MCM7: variants seen among roughly 807,000 people sequenced by gnomAD.
MCM7 encodes the protein DNA replication licensing factor MCM7.
MCM7 carries 95 observed loss-of-function variants against 83.5 expected under a neutral mutation model. That is an observed-to-expected ratio of 1.14 (90% CI 0.96 to 1.35). The LOEUF (loss-of-function observed/expected upper bound fraction) is 1.35, where lower values mean the gene tolerates loss of function less well. Among genes scored for constraint, MCM7 ranks in the 40% most tolerant of loss-of-function variants. MCM7 has a pLI of 0.00. For synonymous variants in MCM7, 461 were observed against 352.7 expected (o/e 1.31, Z -3.44); for missense variants, 1,087 against 957.4 (o/e 1.14, Z -1.79).
At position 100,092,978 on chromosome 7, in the gene MCM7, T is replaced by C. The variant is rs764415680; in HGVS notation, c.2114A>G (p.Asn705Ser). ...CCGGGAAGCATTGACCTGCCAGACA[T>C]TGAGCTCCTCATATTCATCCAGAGC... ...QAALDEYEEL[N>S]VWQVNASRTR... is the part of the protein sequence containing the mutation. Residue 705 changes from asparagine (N) to serine (S), a missense_variant, in exon 15 of 15, where the codon AAT becomes AGT. Physicochemically the swap from Asn to Ser is conservative, Grantham distance 46 (BLOSUM62 1). Transcript: ENST00000303887. 6 of 1,614,132 alleles carry C rather than the reference T, an allele frequency of 3.7e-6. No homozygotes were observed. The highest frequency in any genetic ancestry group is 1.1e-5 in the South Asian group (1 of 91,082).
chr7:100,100,577 G>T, intron 1 of MCM7: 1 of 991,408 alleles, frequency 1.0e-6, no homozygotes, highest in Non-Finnish European at 1.2e-6. Flanking sequence ...CACAGCTCGG[G>T]ATTCCTCCGC....
chr7:100,100,822 G>A, intron 1 of MCM7: 2 of 1,002,392 alleles, frequency 2.0e-6, no homozygotes, highest in Non-Finnish European at 2.4e-6. Context: ...GCCTCAAACG[G>A]CCAATCCCGG....
chr7:100,099,434 A>AG, intron 3 of MCM7, 31 bp from the exon 4 acceptor site: 3 of 1,584,078 alleles, frequency 1.9e-6, no homozygotes, highest in Non-Finnish European at 2.6e-6. Flanking sequence ...AAAAAAAAAA[A>AG]AAGAGCAACA....
chr7:100,098,923 CT>C, intron 5 of MCM7, 99 bp downstream of exon 5: 1 of 1,522,590 alleles, frequency 6.6e-7, no homozygotes, highest in South Asian at 1.2e-5. Context: ...ACACAGGCAA[CT>C]TTTACAACCA....
At position 100,096,878 on chromosome 7, in the gene MCM7, G is replaced by A. The variant is rs184829254; in HGVS notation, c.1201+423C>T. 1.6e-3 allele frequency among the ~76,000 whole-genome samples: 242 copies of A among 151,478 alleles called. 2 individuals are homozygous for A. The East Asian group carries it at 0.017, about 11-fold the overall frequency. ...AGCACTTTGGGAGGCCGAGGCGGGC[G>A]GATCACGAGGTCAGGATATCGAGAC... On this transcript the variant is annotated intron_variant, in intron 10 of 14. Transcript: ENST00000303887.
At chr7:100,098,374 C>T (rs1795757913) in intron 6 of MCM7, 84 bp from the exon 7 acceptor site, 1 of 1,537,814 alleles carries the variant, frequency 6.5e-7, no homozygotes, top group Non-Finnish European at 8.9e-7. Flanking sequence ...TCAAAGGCTC[C>T]CAGGCTACCC....
chr7:100,100,152 A>C, intron 1 of MCM7, 59 bp from the exon 2 acceptor site: 7 of 1,593,076 alleles, frequency 4.4e-6, no homozygotes, highest in Non-Finnish European at 6.0e-6. Context: ...TTAGATACCC[A>C]TTTTCGCTTA....
Position 100,092,891 on chromosome 7 carries a change from G to A in MCM7, c.*41C>T, listed in dbSNP as rs768198172. 1.2e-6 allele frequency: 2 copies of A among 1,609,740 alleles called. No homozygotes were observed. The highest frequency in any genetic ancestry group is 1.7e-6 in the Non-Finnish European group (2 of 1,176,036). ...CTGCCCCTTCCCAAGGGGCAGGCCA[G>A]CAGGGAACAAGAGGACCCCAGGGTT... On this transcript the variant is annotated 3_prime_UTR_variant, in exon 15 of 15. Transcript: ENST00000303887.
At position 100,100,217 on chromosome 7, in the gene MCM7, G is replaced by A. The variant is rs2116597377; in HGVS notation, c.32-124C>T. On this transcript the variant is annotated intron_variant, in intron 1 of 14. Transcript: ENST00000303887. ...TGAGCATTTAAATAAACCTACCGAA[G>A]TCTCCCCAAAGTGGGCATAACTCTT... 8 of 1,452,260 alleles carry A rather than the reference G, an allele frequency of 5.5e-6. No homozygotes were observed. The South Asian group carries it at 7.1e-5, about 13-fold the overall frequency. 90.0% of individuals were successfully genotyped at this position (1,452,260 alleles called of 1,614,324 possible).
At chr7:100,095,601 T>G (rs932298579) in intron 11 of MCM7, 131 bp from the exon 12 acceptor site, 69 of 1,290,794 alleles carry the variant, frequency 5.3e-5, no homozygotes, top group Non-Finnish European at 7.1e-5. Context: ...GAAATCCTCA[T>G]CAGCATTTCA....
rs539630740 is a variant in MCM7 at position 100,097,965 on chromosome 7, C to T, written c.871-17G>A. The stretch of plus-strand genomic sequence containing the variant: ...GAGTAAACCCTTGGGCAGGAAAATG[C>T]CAGGATACAGATGTAATCCCTTCAA... On this transcript the variant is annotated splice_polypyrimidine_tract_variant and intron_variant, in intron 7 of 14. Coordinates refer to ENST00000303887, the MANE Select transcript of MCM7 (RefSeq NM_005916.5). 226 of 1,608,720 alleles carry T rather than the reference C, an allele frequency of 1.4e-4. 1 individual carries two copies. In the South Asian group the frequency reaches 2.1e-3, roughly 15 times the overall value.
chr7:100,098,893 C>A (rs1426740834), intron 5 of MCM7, 130 bp downstream of exon 5: 2 of 1,389,926 alleles, frequency 1.4e-6, no homozygotes, highest in Non-Finnish European at 2.0e-6. Flanking sequence ...CCACTACATA[C>A]CCAAGAATGA....
chr7:100,100,333 CTACTT>C (rs1278557506), intron 1 of MCM7: 2 of 1,191,166 alleles, frequency 1.7e-6, no homozygotes, highest in East Asian at 9.5e-5. Flanking sequence ...ATTCCGGTCC[CTACTT>C]TAGTTTAAAA....
intron 1 of MCM7, chr7:100,100,969 G>A: frequency 2.0e-6 from 2 of 1,008,056 alleles, no homozygotes; most frequent in East Asian, 3.2e-5. Context: ...TGAGGTCCTG[G>A]GCGCGACTTT....
At chr7:100,097,025 C>A (rs1795673291) in intron 10 of MCM7, among the ~76,000 whole-genome samples, 1 of 152,252 alleles carries the variant, frequency 6.6e-6, no homozygotes, top group Admixed American at 6.5e-5. Context: ...GGCGTGACCC[C>A]AGGAGGTGGA....
rs769185868 is a variant in MCM7, at chr7:100,097,756, G to A, written c.986-11C>T. 28 of 1,612,460 alleles carry A rather than the reference G, an allele frequency of 1.7e-5. No homozygotes were observed. In the South Asian group the frequency reaches 2.7e-4, roughly 16 times the overall value. On this transcript the variant is annotated splice_polypyrimidine_tract_variant and intron_variant, in intron 8 of 14. Transcript: ENST00000303887. ...CGTAGAAATCCTCCTCTGTAGAGAA[G>A]TTAAGGTTGTTTTATTTTCTGGGGG...
Position 100,101,347 on chromosome 7 carries a change from G to C in MCM7, c.-53C>G. 1 of 1,610,372 alleles carries C rather than the reference G, an allele frequency of 6.2e-7. No individual in the cohort carries two copies. Among genetic ancestry groups the C allele is most frequent in the Non-Finnish European group, 8.5e-7 (1 of 1,178,858 alleles). ...TGGCGGGCTCAGAGGTCTTGCTCCT[G>C]GGGAAGCTGAGAATCTCCGCGCGGT... On this transcript the variant is annotated 5_prime_UTR_variant, in exon 1 of 15. Coordinates refer to ENST00000303887, the MANE Select transcript of MCM7 (RefSeq NM_005916.5).
intron 13 of MCM7, chr7:100,093,759 G>C (rs1306281430): frequency 4.8e-6 from 3 of 621,048 alleles, no homozygotes. Flanking sequence ...TTGGCAGAGA[G>C]AACGTGTCCC....
chr7:100,092,913 G>T lies in MCM7; in HGVS notation c.*19C>A. The T allele has an allele frequency of 1.2e-6, 2 of 1,614,106 alleles. No individual in the cohort carries two copies. The highest frequency in any genetic ancestry group is 1.1e-5 in the South Asian group (1 of 91,072). On this transcript the variant is annotated 3_prime_UTR_variant, in exon 15 of 15. Coordinates refer to ENST00000303887, the MANE Select transcript of MCM7 (RefSeq NM_005916.5). ...CCAGCAGGGAACAAGAGGACCCCAG[G>T]GTTGCAAGCAGGCTGGAATCAGACA... is the stretch of plus-strand genomic sequence containing the variant.
Sources: gnomAD v4.1 joint callset for allele counts (sites outside exome capture counted in the v4.1 genomes callset) on GRCh38, gnomAD v4.1.1 for gene constraint, MANE v1.5 for transcripts, NCBI Gene and HGNC (gene_info 2026-07-23, HGNC 2026-07-21) for gene names.